Variants in PPARGC1B observed in about 807,000 individuals in gnomAD.
PPARGC1B encodes PPARG coactivator 1 beta, also known as peroxisome proliferator-activated receptor gamma coactivator 1-beta.
PPARGC1B carries 34 observed loss-of-function variants against 101.6 expected under a neutral mutation model. The ratio of observed to expected loss-of-function variants is 0.33; its 90% CI spans 0.25 to 0.45. The LOEUF is 0.45. PPARGC1B is among the 20% of genes least tolerant of loss of function. The probability of loss-of-function intolerance (pLI) is 1.00; values close to 1 mark genes in which losing one functional copy is unlikely to be tolerated. For missense variants in PPARGC1B, 1,234 were observed against 1,317.6 expected, an observed-to-expected ratio of 0.94 and a Z score of 0.98; for synonymous variants, 548 against 539.3, an observed-to-expected ratio of 1.02 and a Z score of -0.22.
At chr5:149,781,828 G>A (rs917318211) in intron 1 of PPARGC1B, among the ~76,000 whole-genome samples, 2 of 152,154 alleles carry the variant, frequency 1.3e-5, no homozygotes, top group Non-Finnish European at 2.9e-5. Context: ...TGGATATATG[G>A]TCTCATAACC....
At chr5:149,767,268 A>G (rs1311138134) in intron 1 of PPARGC1B, among the ~76,000 whole-genome samples, 1 of 152,178 alleles carries the variant, frequency 6.6e-6, no homozygotes. Flanking sequence ...GAGCCCACAC[A>G]TGCATGCTTG....
chr5:149,840,000 T>C (rs1402718630), intron 8 of PPARGC1B, 41 bp from the exon 9 acceptor site: 1 of 1,598,834 alleles, frequency 6.3e-7, no homozygotes, highest in Non-Finnish European at 8.6e-7. Flanking sequence ...CCATGGTATC[T>C]CCCGAGAGTG....
chr5:149,847,124 G>A (rs1181340434), intron 11 of PPARGC1B: 1 of 427,410 alleles, frequency 2.3e-6, no homozygotes. Context: ...CCTCCCTTAT[G>A]TGGCACTGCA....
At chr5:149,751,726 A>G (rs1410167467) in intron 1 of PPARGC1B, among the ~76,000 whole-genome samples, 1 of 151,932 alleles carries the variant, frequency 6.6e-6, no homozygotes, top group Admixed American at 6.6e-5. Context: ...AAAAAAAGAA[A>G]AGAAAACTAA....
chr5:149,856,200 TAAACTCATAC>T (rs1329393715), downstream of PPARGC1B, among the ~76,000 whole-genome samples: 1 of 152,256 alleles, frequency 6.6e-6, no homozygotes, highest in Non-Finnish European at 1.5e-5. Context: ...ATTTATTACA[TAAACTCATAC>T]AAACTCATAC....
At chr5:149,737,117 C>T (rs1203417710) in intron 1 of PPARGC1B, among the ~76,000 whole-genome samples, 2 of 152,318 alleles carry the variant, frequency 1.3e-5, no homozygotes, top group South Asian at 4.1e-4. Context: ...ACCGTTTGTA[C>T]AGTTTTGCCT....
chr5:149,762,227 C>T (rs963564673), intron 1 of PPARGC1B, among the ~76,000 whole-genome samples: 4 of 151,378 alleles, frequency 2.6e-5, no homozygotes, highest in African/African-American at 9.7e-5. Flanking sequence ...CGGCTCACTG[C>T]AACCTCTGCC....
rs1757577258 is a variant in PPARGC1B, at chr5:149,805,782, A to C, written c.79-14651A>C. Among the ~76,000 whole-genome samples, 4 of 152,244 alleles carry C rather than the reference A, an allele frequency of 2.6e-5. No homozygotes were observed. In the South Asian group the frequency reaches 8.3e-4, roughly 32 times the overall value. On this transcript the variant is annotated intron_variant, in intron 1 of 11. Transcript: ENST00000309241. ...CATAATGTTAAATTCACTCTGGTTA[A>C]ATAGGAATATGATGGGTTGCCACTA...
intron 11 of PPARGC1B, 34 bp from the exon 12 acceptor site, chr5:149,847,424 C>G (rs376488509): frequency 6.7e-7 from 1 of 1,502,672 alleles, no homozygotes; most frequent in Non-Finnish European, 9.3e-7. Context: ...TCACTGCCTT[C>G]CCCTCTTCCC....
intron 7 of PPARGC1B, 69 bp downstream of exon 7, chr5:149,835,434 A>T (rs542005686): frequency 1.4e-6 from 2 of 1,394,368 alleles, no homozygotes; most frequent in African/African-American, 2.8e-5. Flanking sequence ...GTTTTTCATC[A>T]TGCATGGGCA....
At chr5:149,736,462 A>C (rs1044830337) in intron 1 of PPARGC1B, among the ~76,000 whole-genome samples, 1 of 152,080 alleles carries the variant, frequency 6.6e-6, no homozygotes, top group Admixed American at 6.5e-5. Flanking sequence ...GATCAGGGTC[A>C]GTTTCTATCT....
At chr5:149,782,592 C>A (rs1581047525) in intron 1 of PPARGC1B, among the ~76,000 whole-genome samples, 1 of 152,218 alleles carries the variant, frequency 6.6e-6, no homozygotes, top group South Asian at 2.1e-4. Context: ...GGGCCCAGAG[C>A]AGCTGAGCTG....
chr5:149,833,405 AAAAG>A lies in PPARGC1B; in HGVS notation c.1334_1337del (p.Lys445ArgfsTer37), dbSNP rs1321061505. The A allele has an allele frequency of 6.2e-7, 1 of 1,605,868 alleles. No individual in the cohort carries two copies. The highest frequency in any genetic ancestry group is 1.1e-5 in the South Asian group (1 of 90,312). On this transcript the variant is annotated frameshift_variant, in exon 5 of 12. Coordinates refer to ENST00000309241, the MANE Select transcript of PPARGC1B (RefSeq NM_133263.4). LOFTEE classifies it high-confidence loss of function. This position sits in a 1 kb window ranked among gnomAD's most constrained non-coding sequence, Gnocchi z 4.1. ...AAGAGGAGGAGGAAGAGGAAGAAGAAAAAGAGGAGGAGGAGGAGTGGGGCAGGAA... is the reference window on the plus strand; with the variant it reads ...AAGAGGAGGAGGAAGAGGAAGAAGAAAGGAGGAGGAGGAGTGGGGCAGGAA...
chr5:149,847,777 C>T lies in PPARGC1B; in HGVS notation c.*219C>T, dbSNP rs1759626259. On this transcript the variant is annotated 3_prime_UTR_variant, in exon 12 of 12. Transcript: ENST00000309241. ...TGTGAGTTTCCATGGTGTTGACGTT[C>T]CACTGCCACATTAGTGTCCTCGCTT... The T allele has an allele frequency of 3.6e-6, 2 of 550,314 alleles. No individual in the cohort carries two copies. Among genetic ancestry groups the T allele is most frequent in the Non-Finnish European group, 6.5e-6 (2 of 309,070 alleles). 34.1% of individuals were successfully genotyped at this position (550,314 alleles called of 1,614,324 possible).
At chr5:149,780,489 T>TGA (rs139023164) in intron 1 of PPARGC1B, among the ~76,000 whole-genome samples, 3 of 152,086 alleles carry the variant, frequency 2.0e-5, no homozygotes, top group Non-Finnish European at 4.4e-5. Context: ...ATGTGTACAG[T>TGA]GAGAGGTTTG....
chr5:149,820,417 C>T lies in PPARGC1B; in HGVS notation c.79-16C>T. The T allele has an allele frequency of 1.2e-6, 2 of 1,611,490 alleles. No individual in the cohort carries two copies. The highest frequency in any genetic ancestry group is 8.5e-7 in the Non-Finnish European group (1 of 1,178,402). On this transcript the variant is annotated splice_polypyrimidine_tract_variant and intron_variant, in intron 1 of 11. Transcript: ENST00000309241. ...GCCTCAGCTCTGATCCACCTCTTTC[C>T]TTCCTGTCTCCTCAGGGTGGAGGGT...
intron 1 of PPARGC1B, among the ~76,000 whole-genome samples, chr5:149,802,750 G>A (rs1464919093): frequency 6.6e-6 from 1 of 151,928 alleles, no homozygotes; most frequent in African/African-American, 2.4e-5. Context: ...GATCTGACTC[G>A]ATTTAAAATT....
At position 149,761,854 on chromosome 5, in the gene PPARGC1B, C is replaced by T. The variant is rs115260511; in HGVS notation, c.78+31434C>T. On this transcript the variant is annotated intron_variant, in intron 1 of 11. Transcript: ENST00000309241. The stretch of plus-strand genomic sequence containing the variant: ...CATAGCAGGGGAGCACTGTGTTATC[C>T]CGTGGACATGTGGATAACAGTAGTG... Among the ~76,000 whole-genome samples the T allele has an allele frequency of 4.5e-3, 678 of 152,232 alleles. 4 individuals are homozygous for T. The highest frequency in any genetic ancestry group is 0.015 in the African/African-American group (635 of 41,526).
intron 1 of PPARGC1B, among the ~76,000 whole-genome samples, chr5:149,785,915 C>CTTTTT (rs10622982): frequency 3.6e-5 from 5 of 140,396 alleles, no homozygotes; most frequent in African/African-American, 2.6e-5. Flanking sequence ...GACACTCATT[C>CTTTTT]TTTTTTTTTT....
Sources: allele counts gnomAD v4.1 joint callset (sites outside exome capture counted in the v4.1 genomes callset), GRCh38; gene constraint gnomAD v4.1.1; non-coding constraint Gnocchi (gnomAD v3.1); transcripts MANE v1.5; gene names NCBI Gene and HGNC (gene_info 2026-07-23, HGNC 2026-07-21).